Variants in NF1 observed in about 807,000 individuals in gnomAD.
NF1 encodes the protein neurofibromin 1.
In NF1, 122 loss-of-function variants were observed where a neutral mutation model predicts 325.7. That is an observed-to-expected ratio of 0.37 (90% confidence interval 0.32 to 0.44). The LOEUF is 0.44. Ranked by LOEUF, NF1 falls within the 20% of genes least tolerant of loss-of-function variation. NF1 has a pLI of 1.00. For synonymous variants in NF1, 1,091 were observed against 1,186.0 expected (o/e 0.92, Z 1.65); for missense variants, 2,140 against 3,415.4 (o/e 0.63, Z 9.31).
chr17:31,234,436 G>T (rs575545430), intron 27 of NF1, among the ~76,000 whole-genome samples: 1 of 152,054 alleles, frequency 6.6e-6, no homozygotes, highest in African/African-American at 2.4e-5. Flanking sequence ...CACTTTGGGA[G>T]GCTGAGGCGG....
At chr17:31,103,254 T>C (rs1272432125) in intron 1 of NF1, among the ~76,000 whole-genome samples, 1 of 152,172 alleles carries the variant, frequency 6.6e-6, no homozygotes, top group African/African-American at 2.4e-5. Flanking sequence ...ATTATTATTA[T>C]TATTTTGAGA....
At chr17:31,185,042 G>T (rs879576891) in intron 8 of NF1, among the ~76,000 whole-genome samples, 3 of 152,148 alleles carry the variant, frequency 2.0e-5, no homozygotes, top group Non-Finnish European at 4.4e-5. Flanking sequence ...CCCAGTAGTG[G>T]CAACATCCCC....
chr17:31,258,316 T>C lies in NF1; in HGVS notation c.4174-28T>C, dbSNP rs772351100. 1.9e-6 allele frequency: 3 copies of C among 1,613,486 alleles called. No individual in the cohort carries two copies. In the South Asian group the frequency reaches 3.3e-5, roughly 18 times the overall value. On this transcript the variant is annotated intron_variant, in intron 31 of 57. Coordinates refer to ENST00000358273, the MANE Select transcript of NF1 (RefSeq NM_001042492.3). ...TGTCTTTATATTAATTCAAACCTTATACTCAATTCTCAACTCCTTGTTTTT... is the reference window on the plus strand; with the variant it reads ...TGTCTTTATATTAATTCAAACCTTACACTCAATTCTCAACTCCTTGTTTTT...
intron 33 of NF1, among the ~76,000 whole-genome samples, chr17:31,259,466 A>G (rs1180909759): frequency 3.3e-5 from 5 of 152,212 alleles, no homozygotes; most frequent in African/African-American, 1.2e-4. Flanking sequence ...TGGTATCAAT[A>G]ATACATAACA....
intron 57 of NF1, among the ~76,000 whole-genome samples, chr17:31,368,072 A>G (rs1228577476): frequency 6.6e-6 from 1 of 152,230 alleles, no homozygotes; most frequent in African/African-American, 2.4e-5. Flanking sequence ...CCTGTAATTA[A>G]TATACAAAAA....
At chr17:31,161,811 G>A (rs961609008) in intron 3 of NF1, among the ~76,000 whole-genome samples, 3 of 151,990 alleles carry the variant, frequency 2.0e-5, no homozygotes, top group Non-Finnish European at 2.9e-5. Flanking sequence ...CGAGACAGGC[G>A]GAGAGCTTGA....
chr17:31,296,270 C>T lies in NF1; in HGVS notation c.4836-29550C>T, dbSNP rs11080149. The T allele has an allele frequency of 0.11, 184,716 of 1,613,850 alleles. 12,075 individuals carry two copies. The highest frequency in any genetic ancestry group is 0.13 in the Non-Finnish European group (159,227 of 1,179,804). On this transcript the variant is annotated intron_variant, in intron 36 of 57. Coordinates refer to ENST00000358273, the MANE Select transcript of NF1 (RefSeq NM_001042492.3). ...TTGGAGAGGACAAATGCATAAAATA[C>T]CAGGTGTGAGAAACAGAAGGATGAA...
At chr17:31,302,448 A>G (rs926687417) in intron 36 of NF1, among the ~76,000 whole-genome samples, 1 of 152,204 alleles carries the variant, frequency 6.6e-6, no homozygotes, top group African/African-American at 2.4e-5. Flanking sequence ...GGCCAAGTAT[A>G]AAAACATATC....
intron 8 of NF1, among the ~76,000 whole-genome samples, chr17:31,186,248 T>C (rs543066222): frequency 5.2e-4 from 79 of 152,246 alleles, no homozygotes; most frequent in Admixed American, 1.8e-3. Context: ...CCTATACTGA[T>C]AGCCTCATAG....
At chr17:31,231,379 A>G (rs1279774354) in intron 24 of NF1, among the ~76,000 whole-genome samples, 1 of 152,204 alleles carries the variant, frequency 6.6e-6, no homozygotes, top group Non-Finnish European at 1.5e-5. Flanking sequence ...GAAAATGATT[A>G]AACACTATGG....
chr17:31,224,480 G>A (rs1175504666), intron 16 of NF1, among the ~76,000 whole-genome samples: 3 of 152,122 alleles, frequency 2.0e-5, no homozygotes, highest in Non-Finnish European at 4.4e-5. Context: ...TTATTCACAT[G>A]TGACTTATTT....
intron 36 of NF1, chr17:31,318,603 A>G (rs1159409352): frequency 6.2e-7 from 1 of 1,614,088 alleles, no homozygotes; most frequent in Non-Finnish European, 8.5e-7. Flanking sequence ...TAATTAAGCA[A>G]ATTAGCATAG....
At chr17:31,340,440 G>T in intron 46 of NF1, 65 bp from the exon 47 acceptor site, 1 of 1,601,616 alleles carries the variant, frequency 6.2e-7, no homozygotes, top group Non-Finnish European at 8.6e-7. Flanking sequence ...TTTAACTGCA[G>T]TGTGTTTTGA....
intron 1 of NF1, among the ~76,000 whole-genome samples, chr17:31,114,839 G>T (rs1247845494): frequency 6.6e-6 from 1 of 152,174 alleles, no homozygotes; most frequent in African/African-American, 2.4e-5. Flanking sequence ...GGGCGACAGA[G>T]CAAGACTCTG....
At chr17:31,172,738 A>AT (rs1355009688) in intron 5 of NF1, among the ~76,000 whole-genome samples, 1 of 152,160 alleles carries the variant, frequency 6.6e-6, no homozygotes, top group East Asian at 1.9e-4. Context: ...TGTTGTGCTT[A>AT]TGAGTTACGA....
chr17:31,095,976 A>G (rs1327373666), intron 1 of NF1, among the ~76,000 whole-genome samples: 2 of 151,824 alleles, frequency 1.3e-5, no homozygotes, highest in African/African-American at 2.4e-5. Context: ...CTGCCCCGAG[A>G]GCTTCAAGTG....
chr17:31,290,003 A>G (rs753933564), intron 36 of NF1, among the ~76,000 whole-genome samples: 6 of 152,098 alleles, frequency 3.9e-5, no homozygotes, highest in Non-Finnish European at 5.9e-5. Context: ...ATTCCCATAT[A>G]TTAATCATAG....
chr17:31,095,281 C>G lies in NF1; in HGVS notation c.-29C>G, dbSNP rs1346645450. 9.1e-6 allele frequency: 14 copies of G among 1,534,568 alleles called. No homozygotes were observed. Among genetic ancestry groups the G allele is most frequent in the Non-Finnish European group, 1.2e-5 (14 of 1,145,792 alleles). On this transcript the variant is annotated 5_prime_UTR_variant, in exon 1 of 58. Coordinates refer to ENST00000358273, the MANE Select transcript of NF1 (RefSeq NM_001042492.3). ...GCCCAGGGCGCCGGCCCACCCTTCC[C>G]TCCGCCGCCCCCCGGCCGCGGGGAG...
intron 36 of NF1, among the ~76,000 whole-genome samples, chr17:31,274,288 T>G (rs891200538): frequency 9.2e-5 from 14 of 152,168 alleles, no homozygotes; most frequent in African/African-American, 3.4e-4. Context: ...GGTCAGCCGT[T>G]TTCCATGATA....
Sources: gnomAD v4.1 joint callset for allele counts (sites outside exome capture counted in the v4.1 genomes callset) on GRCh38, gnomAD v4.1.1 for gene constraint, MANE v1.5 for transcripts, NCBI Gene and HGNC (gene_info 2026-07-23, HGNC 2026-07-21) for gene names.